Variants in TENM1 observed in about 807,000 individuals in gnomAD.
TENM1 encodes teneurin transmembrane protein 1.
In TENM1, 35 loss-of-function variants were observed where a neutral mutation model predicts 174.8. The observed-to-expected ratio is 0.20, with a 90% CI of 0.15 to 0.27. The LOEUF (loss-of-function observed/expected upper bound fraction) is 0.27, where lower values mean the gene tolerates loss of function less well. Ranked by LOEUF, TENM1 falls within the 10% of genes least tolerant of loss-of-function variation. The pLI, the probability that TENM1 is intolerant of heterozygous loss-of-function variation, is 1.00. For missense variants in TENM1, 1,633 were observed against 2,130.1 expected (o/e 0.77, Z 4.59); for synonymous variants, 781 against 798.7 (o/e 0.98, Z 0.37).
intron 4 of TENM1, among the ~76,000 whole-genome samples, chrX:124,713,255 G>A (rs1369546160): frequency 9.1e-6 from 1 of 110,489 alleles, no homozygotes; most frequent in African/African-American, 3.3e-5. Context: ...CGTTACTATC[G>A]TGATTTGCAA....
chrX:124,944,496 T>C (rs1320891831), intron 1 of TENM1, among the ~76,000 whole-genome samples: 1 of 111,589 alleles, frequency 9.0e-6, no homozygotes, highest in Non-Finnish European at 1.9e-5. Context: ...CTGAAAGTAA[T>C]AGCTTTTGTT....
intron 14 of TENM1, among the ~76,000 whole-genome samples, chrX:124,549,609 A>G (rs1390114325): frequency 8.9e-6 from 1 of 111,857 alleles, no homozygotes; most frequent in African/African-American, 3.3e-5. Flanking sequence ...TGTTCTATAC[A>G]TTCCAAGCTA....
At chrX:124,597,190 A>C (rs1274590767) in intron 11 of TENM1, among the ~76,000 whole-genome samples, 1 of 111,866 alleles carries the variant, frequency 8.9e-6, no homozygotes, top group African/African-American at 3.2e-5. Flanking sequence ...CCAGAAGAAA[A>C]GATGTCATTA....
chrX:124,844,683 G>A (rs768373233), intron 3 of TENM1, among the ~76,000 whole-genome samples: 11 of 111,712 alleles, frequency 9.8e-5, no homozygotes, highest in African/African-American at 2.3e-4. Flanking sequence ...GTGGAAACTC[G>A]GCAAACATGA....
intron 3 of TENM1, among the ~76,000 whole-genome samples, chrX:124,763,485 C>T (rs1483869522): frequency 9.3e-6 from 1 of 107,278 alleles, no homozygotes; most frequent in Non-Finnish European, 1.9e-5. Flanking sequence ...CTCAAAAGCG[C>T]ACACACACAC....
intron 1 of TENM1, among the ~76,000 whole-genome samples, chrX:124,935,725 A>C (rs73634543): frequency 1.8e-5 from 2 of 112,754 alleles, no homozygotes; most frequent in African/African-American, 6.4e-5. Flanking sequence ...GGTAAATGCA[A>C]CTGCCTATTT....
intron 1 of TENM1, among the ~76,000 whole-genome samples, chrX:124,952,220 T>C (rs2058499616): frequency 9.0e-6 from 1 of 110,982 alleles, no homozygotes; most frequent in Admixed American, 9.7e-5. Context: ...TCTTCTGTTT[T>C]GCCTTTCCAT....
At chrX:125,012,809 A>T in the TENM1 span, among the ~76,000 whole-genome samples, 9 of 112,227 alleles carry the variant, frequency 8.0e-5, no homozygotes, top group East Asian at 2.2e-3. Flanking sequence ...CCAAGAATGT[A>T]TGTATATAAT....
At chrX:124,459,706 C>T (rs892407202) in intron 22 of TENM1, among the ~76,000 whole-genome samples, 23 of 111,238 alleles carry the variant, frequency 2.1e-4, no homozygotes, top group African/African-American at 6.9e-4. Flanking sequence ...ATGAAGACAC[C>T]GAAAGCAATG....
At chrX:124,984,222 G>A in the TENM1 span, among the ~76,000 whole-genome samples, 2 of 111,587 alleles carry the variant, frequency 1.8e-5, no homozygotes, top group Admixed American at 9.6e-5. Context: ...CTAGTATAGT[G>A]CCTTCCCTTT....
chrX:124,723,603 GTTT>G (rs1198093791), intron 4 of TENM1, among the ~76,000 whole-genome samples: 7 of 74,934 alleles, frequency 9.3e-5, no homozygotes, highest in East Asian at 4.2e-4. Flanking sequence ...TTTTTTTTTT[GTTT>G]TTTTTTTTTT....
At chrX:124,588,546 G>A (rs1050733302) in intron 11 of TENM1, among the ~76,000 whole-genome samples, 2 of 107,475 alleles carry the variant, frequency 1.9e-5, no homozygotes, top group African/African-American at 6.8e-5. Flanking sequence ...CTGTTGTGGG[G>A]TGGGGGGAGT....
chrX:124,964,073 A>G (rs1009382446), upstream of TENM1, among the ~76,000 whole-genome samples: 3 of 112,294 alleles, frequency 2.7e-5, no homozygotes, highest in Non-Finnish European at 5.6e-5. Flanking sequence ...CTTCAAAAAT[A>G]TTTGTATTGG....
intron 5 of TENM1, among the ~76,000 whole-genome samples, chrX:124,704,077 T>C (rs757307723): frequency 2.7e-5 from 3 of 112,407 alleles, no homozygotes; most frequent in Non-Finnish European, 5.6e-5. Context: ...ATCAACCAAA[T>C]GTACTTTATT....
chrX:124,379,242 T>A (rs1290944980), exon 32 of TENM1: 1 of 112,137 alleles, frequency 8.9e-6, no homozygotes, highest in Non-Finnish European at 1.9e-5. Flanking sequence ...TAAATAAAGA[T>A]AAATGGGTAA....
chrX:124,902,851 A>C (rs1168402643), intron 1 of TENM1, among the ~76,000 whole-genome samples: 2 of 112,612 alleles, frequency 1.8e-5, no homozygotes, highest in African/African-American at 3.2e-5. Context: ...ATGTTTTATC[A>C]AATGTACAGT....
At chrX:124,402,686 AT>A (rs1371624332) in intron 27 of TENM1, among the ~76,000 whole-genome samples, 1 of 111,825 alleles carries the variant, frequency 8.9e-6, no homozygotes, top group African/African-American at 3.3e-5. Context: ...AGAATGAAAA[AT>A]CCCAAAGTCA....
At chrX:124,554,370 A>G (rs2048648990) in intron 14 of TENM1, among the ~76,000 whole-genome samples, 1 of 111,728 alleles carries the variant, frequency 9.0e-6, no homozygotes, top group African/African-American at 3.3e-5. Context: ...TAGTTGGTAG[A>G]TAATGTGATG....
At chrX:124,601,520 T>G (rs964936516) in intron 11 of TENM1, among the ~76,000 whole-genome samples, 2 of 111,199 alleles carry the variant, frequency 1.8e-5, no homozygotes, top group Admixed American at 9.6e-5. Flanking sequence ...GGCAAGGGCA[T>G]CCATTGAGAA....
Sources: gnomAD v4.1 joint callset for allele counts (sites outside exome capture counted in the v4.1 genomes callset) on GRCh38, gnomAD v4.1.1 for gene constraint, MANE v1.5 for transcripts, NCBI Gene and HGNC (gene_info 2026-07-23, HGNC 2026-07-21) for gene names.